The following TRAPPC9 variants were observed in gnomAD, a reference collection of about 807,000 sequenced individuals.
TRAPPC9 encodes the protein IKK2 binding protein.
A neutral mutation model predicts 124.0 loss-of-function variants in TRAPPC9; 83 were observed. The observed-to-expected ratio is 0.67, with a 90% CI of 0.56 to 0.80. The LOEUF (loss-of-function observed/expected upper bound fraction) is 0.80, where lower values mean the gene tolerates loss of function less well. Among genes scored for constraint, TRAPPC9 ranks in the 30% least tolerant of loss-of-function variants. TRAPPC9 has a pLI of 0.00. For missense variants in TRAPPC9, 1,302 were observed against 1,508.3 expected, an observed-to-expected ratio of 0.86 and a Z score of 2.27; for synonymous variants, 638 against 617.5, an observed-to-expected ratio of 1.03 and a Z score of -0.49.
chr8:139,853,290 G>T (rs1274300428), intron 21 of TRAPPC9, among the ~76,000 whole-genome samples: 1 of 152,166 alleles, frequency 6.6e-6, no homozygotes, highest in Non-Finnish European at 1.5e-5. Flanking sequence ...TGCAGTGTGG[G>T]TCCTCATGAG....
At chr8:140,273,808 G>C (rs963854998) in intron 15 of TRAPPC9, among the ~76,000 whole-genome samples, 1 of 152,222 alleles carries the variant, frequency 6.6e-6, no homozygotes, top group East Asian at 1.9e-4. Context: ...CCGATGCTTT[G>C]TTACGGGGGG....
intron 16 of TRAPPC9, among the ~76,000 whole-genome samples, chr8:140,239,583 G>C (rs1288451295): frequency 6.6e-6 from 1 of 152,168 alleles, no homozygotes; most frequent in Non-Finnish European, 1.5e-5. Context: ...CTGGCACGGA[G>C]GCCGCATCCA....
chr8:140,084,705 C>T (rs13282606), intron 17 of TRAPPC9, among the ~76,000 whole-genome samples: 57,221 of 152,220 alleles, frequency 0.38, 12,375 homozygotes, highest in East Asian at 0.56. Flanking sequence ...AAAGATCTGG[C>T]ATGGTCCTTG....
intron 21 of TRAPPC9, among the ~76,000 whole-genome samples, chr8:139,736,755 G>A (rs1818196121): frequency 6.6e-6 from 1 of 152,198 alleles, no homozygotes; most frequent in Non-Finnish European, 1.5e-5. Context: ...GCCCGGGTAG[G>A]ATTCGTGACC....
At chr8:140,205,864 C>A (rs1401498011) in intron 17 of TRAPPC9, among the ~76,000 whole-genome samples, 2 of 152,224 alleles carry the variant, frequency 1.3e-5, no homozygotes, top group African/African-American at 4.8e-5. Context: ...CTGATTCCCA[C>A]ACAGTATTAC....
chr8:140,379,937 A>T (rs1308800554), intron 7 of TRAPPC9, among the ~76,000 whole-genome samples: 1 of 152,230 alleles, frequency 6.6e-6, no homozygotes, highest in Non-Finnish European at 1.5e-5. Context: ...CCTGGAAAAA[A>T]GGAAGATTTA....
At chr8:140,433,123 G>A (rs576338154) in intron 4 of TRAPPC9, among the ~76,000 whole-genome samples, 11 of 151,490 alleles carry the variant, frequency 7.3e-5, no homozygotes, top group East Asian at 1.9e-4. Flanking sequence ...CCAACATGGC[G>A]AAACCTCGTC....
At chr8:140,073,369 A>C (rs1285408170) in intron 17 of TRAPPC9, among the ~76,000 whole-genome samples, 1 of 152,262 alleles carries the variant, frequency 6.6e-6, no homozygotes, top group African/African-American at 2.4e-5. Context: ...TTACTAATTG[A>C]GCAATAAAAA....
At chr8:140,206,217 A>G (rs1348590612) in intron 17 of TRAPPC9, among the ~76,000 whole-genome samples, 6 of 152,228 alleles carry the variant, frequency 3.9e-5, no homozygotes, top group Non-Finnish European at 8.8e-5. Flanking sequence ...TAATTTTTCA[A>G]AAAAATTATC....
intron 19 of TRAPPC9, among the ~76,000 whole-genome samples, chr8:139,939,893 C>T (rs1309202930): frequency 1.3e-5 from 2 of 152,226 alleles, no homozygotes; most frequent in African/African-American, 4.8e-5. Flanking sequence ...GCGGGAAAGG[C>T]CTGCCCCTCT....
At chr8:140,341,093 T>G (rs565769110) in intron 9 of TRAPPC9, among the ~76,000 whole-genome samples, 1 of 152,234 alleles carries the variant, frequency 6.6e-6, no homozygotes, top group Admixed American at 6.5e-5. Flanking sequence ...TATTAAGCAT[T>G]TATTGAGCCT....
At chr8:140,254,359 A>T (rs1176744799) in intron 15 of TRAPPC9, among the ~76,000 whole-genome samples, 1 of 151,590 alleles carries the variant, frequency 6.6e-6, no homozygotes. Context: ...CCCTCTCCAT[A>T]CCCCAAAGCC....
chr8:139,854,642 C>T (rs1313475873), intron 21 of TRAPPC9, among the ~76,000 whole-genome samples: 1 of 152,200 alleles, frequency 6.6e-6, no homozygotes. Context: ...TAGCAGGGGC[C>T]GTAGCTACAC....
chr8:140,020,213 A>C (rs1839750528), intron 18 of TRAPPC9, among the ~76,000 whole-genome samples: 1 of 152,066 alleles, frequency 6.6e-6, no homozygotes, highest in South Asian at 2.1e-4. Flanking sequence ...AACTTTATGA[A>C]TTTATTTGTT....
chr8:140,357,839 A>C (rs983948881), intron 9 of TRAPPC9, among the ~76,000 whole-genome samples: 1 of 152,176 alleles, frequency 6.6e-6, no homozygotes, highest in Non-Finnish European at 1.5e-5. Context: ...TGCAGGTACA[A>C]TCAAGAAAAG....
At chr8:140,339,908 T>C (rs1171960224) in intron 9 of TRAPPC9, among the ~76,000 whole-genome samples, 1 of 152,124 alleles carries the variant, frequency 6.6e-6, no homozygotes, top group East Asian at 1.9e-4. Context: ...AGTGGTGCAA[T>C]CTCAGCTCAC....
rs541956178 is a variant in TRAPPC9 at position 139,926,610 on chromosome 8, A to T, written c.2811-16310T>A. Among the ~76,000 whole-genome samples the T allele has an allele frequency of 3.4e-3, 516 of 151,504 alleles. 2 individuals carry two copies. The highest frequency in any genetic ancestry group is 0.011 in the African/African-American group (465 of 41,384). On this transcript the variant is annotated intron_variant, in intron 19 of 22. Transcript: ENST00000438773. ...TTAAAAATACAATGAATTAAAATAA[A>T]AAAAAAAAAAAAACTCCTGAATAGC...
chr8:140,411,079 C>T (rs528989087), intron 5 of TRAPPC9, among the ~76,000 whole-genome samples: 47 of 152,056 alleles, frequency 3.1e-4, no homozygotes, highest in African/African-American at 1.1e-3. Context: ...GTATCATGAC[C>T]AAGGATAAAT....
chr8:140,205,980 G>A (rs370566969), intron 17 of TRAPPC9, among the ~76,000 whole-genome samples: 26 of 152,084 alleles, frequency 1.7e-4, no homozygotes, highest in Non-Finnish European at 3.2e-4. Flanking sequence ...TCACTGAACC[G>A]ATCCTTCACA....
Sources: allele counts gnomAD v4.1 joint callset (sites outside exome capture counted in the v4.1 genomes callset), GRCh38; gene constraint gnomAD v4.1.1; transcripts MANE v1.5; gene names NCBI Gene and HGNC (gene_info 2026-07-23, HGNC 2026-07-21).